The following PDE1C variants were observed in gnomAD, a reference collection of about 807,000 sequenced individuals.
PDE1C encodes the protein phosphodiesterase 1C.
Under a neutral mutation model 93.1 loss-of-function variants are expected in PDE1C, and 62 were observed. The ratio of observed to expected loss-of-function variants is 0.67; its 90% confidence interval spans 0.54 to 0.82. The LOEUF (loss-of-function observed/expected upper bound fraction) is 0.82. Among genes scored for constraint, PDE1C ranks in the 40% least tolerant of loss-of-function variants. The pLI, the probability that PDE1C is intolerant of heterozygous loss-of-function variation, is 0.00. For synonymous variants in PDE1C, 325 were observed against 310.1 expected (o/e 1.05, Z -0.50); for missense variants, 742 against 884.6 (o/e 0.84, Z 2.04).
chr7:31,793,801 G>A (rs114161578), intron 16 of PDE1C, among the ~76,000 whole-genome samples: 697 of 151,688 alleles, frequency 4.6e-3, no homozygotes, highest in African/African-American at 0.013. Flanking sequence ...ATTTTAAAGC[G>A]TTATTTTCAA....
intron 1 of PDE1C, among the ~76,000 whole-genome samples, chr7:32,273,226 G>A (rs1018189932): frequency 7.2e-5 from 11 of 152,284 alleles, no homozygotes; most frequent in Admixed American, 5.2e-4. Flanking sequence ...AGAGTGCCCC[G>A]GTGAGAGGGA....
At chr7:31,989,106 GAGAAAGAGAA>G (rs1783834746) in intron 2 of PDE1C, among the ~76,000 whole-genome samples, 1 of 138,556 alleles carries the variant, frequency 7.2e-6, no homozygotes, top group South Asian at 2.2e-4. Flanking sequence ...AAGAAAGAAA[GAGAAAGAGAA>G]AGAAAGAGGA....
chr7:31,776,212 C>G lies in PDE1C; in HGVS notation c.1892-480G>C, dbSNP rs1562772148. ...CTCTGCTTTGTCCTTATAGGCTTTA[C>G]TTGCTATTGGAACTCAAGCAATGAA... On this transcript the variant is annotated intron_variant, in intron 16 of 17. Coordinates refer to ENST00000396191, the MANE Select transcript of PDE1C (RefSeq NM_001191057.4). Among the ~76,000 whole-genome samples, 3 of 152,158 alleles carry G rather than the reference C, an allele frequency of 2.0e-5. No homozygotes were observed. The South Asian group carries it at 6.2e-4, about 32-fold the overall frequency.
At chr7:32,303,433 G>A (rs117546151), upstream of PDE1C, among the ~76,000 whole-genome samples, 2,940 of 152,282 alleles carry the variant, frequency 0.019, 34 homozygotes, top group Non-Finnish European at 0.029. Context: ...GGAAGAGTAA[G>A]TCTTAGAACA....
intron 5 of PDE1C, among the ~76,000 whole-genome samples, chr7:31,875,583 G>T (rs767874018): frequency 2.6e-5 from 4 of 151,842 alleles, no homozygotes; most frequent in Non-Finnish European, 4.4e-5. Context: ...GACACTTCCT[G>T]TAGAGAAATT....
intron 7 of PDE1C, among the ~76,000 whole-genome samples, chr7:31,852,855 GT>G (rs70989613): frequency 6.6e-6 from 1 of 151,302 alleles, no homozygotes; most frequent in African/African-American, 2.4e-5. Context: ...TACATATGCA[GT>G]TTTTTTTCCA....
intron 3 of PDE1C, among the ~76,000 whole-genome samples, chr7:32,098,826 T>C (rs1368740056): frequency 1.3e-5 from 2 of 152,182 alleles, no homozygotes; most frequent in Admixed American, 6.5e-5. Context: ...AAATTTTTCA[T>C]TTGAAATGCT....
chr7:31,942,399 G>A (rs1272881351), intron 2 of PDE1C, among the ~76,000 whole-genome samples: 2 of 152,092 alleles, frequency 1.3e-5, no homozygotes, highest in Non-Finnish European at 2.9e-5. Flanking sequence ...CCCCAAAGAA[G>A]GGTGGATTTT....
intron 7 of PDE1C, among the ~76,000 whole-genome samples, chr7:31,862,310 T>C (rs1233164212): frequency 6.6e-6 from 1 of 152,186 alleles, no homozygotes; most frequent in African/African-American, 2.4e-5. Flanking sequence ...TCTACAAGAG[T>C]ACTGATACCC....
intron 12 of PDE1C, among the ~76,000 whole-genome samples, chr7:31,827,591 T>C (rs1789850688): frequency 6.6e-6 from 1 of 152,048 alleles, no homozygotes; most frequent in South Asian, 2.1e-4. Context: ...TCAATATACA[T>C]TATAAAAAAA....
the PDE1C span, chr7:31,651,027 G>A: frequency 1.0e-5 from 12 of 1,145,038 alleles, no homozygotes; most frequent in African/African-American, 1.6e-4. Flanking sequence ...TATATTAGCA[G>A]TAGGGCCTGT....
the PDE1C span, among the ~76,000 whole-genome samples, chr7:31,620,722 C>G: frequency 6.6e-6 from 1 of 151,446 alleles, no homozygotes; most frequent in Non-Finnish European, 1.5e-5. Context: ...TCCAAAGGAA[C>G]GCAGTTCCTC....
At chr7:32,285,859 T>A (rs1811969453) in intron 1 of PDE1C, among the ~76,000 whole-genome samples, 1 of 148,936 alleles carries the variant, frequency 6.7e-6, no homozygotes, top group African/African-American at 2.5e-5. Context: ...AAAACAAGAG[T>A]GGAAAAAACT....
At chr7:31,971,652 T>C (rs1180484630) in intron 2 of PDE1C, among the ~76,000 whole-genome samples, 2 of 152,194 alleles carry the variant, frequency 1.3e-5, no homozygotes, top group African/African-American at 4.8e-5. Context: ...TAAAGAGGCA[T>C]TGCCAGAGCT....
rs368974768 is a variant in PDE1C, at chr7:32,091,458, G to C, written c.308+78327C>G. 9.8e-5 allele frequency among the ~76,000 whole-genome samples: 15 copies of C among 152,326 alleles called. 4 individuals are homozygous for C. ...GACACATTGCAATATTCATCAGGGTGGTTAGAGTTGGCCTCATCAAGAAGG... is the reference window on the plus strand; with the variant it reads ...GACACATTGCAATATTCATCAGGGTCGTTAGAGTTGGCCTCATCAAGAAGG... On this transcript the variant is annotated intron_variant, in intron 3 of 18. Transcript: ENST00000396193.
intron 3 of PDE1C, among the ~76,000 whole-genome samples, chr7:32,096,273 C>T (rs11763695): frequency 0.061 from 9,344 of 152,226 alleles, 385 homozygotes; most frequent in Non-Finnish European, 0.091. Context: ...GCAGGCAGTG[C>T]ACTTCAACCA....
chr7:31,775,776 A>C, intron 16 of PDE1C, 44 bp from the exon 17 acceptor site: 1 of 1,507,276 alleles, frequency 6.6e-7, no homozygotes, highest in Non-Finnish European at 9.2e-7. Context: ...GGATTGTGGA[A>C]AAACCTGTTG....
At chr7:31,925,070 T>C (rs968158685) in intron 2 of PDE1C, among the ~76,000 whole-genome samples, 5 of 142,830 alleles carry the variant, frequency 3.5e-5, no homozygotes, top group Non-Finnish European at 7.7e-5. Context: ...TGTGTGTGTG[T>C]GTGTGTGTGT....
At chr7:31,718,136 C>T in the PDE1C span, among the ~76,000 whole-genome samples, 1 of 152,078 alleles carries the variant, frequency 6.6e-6, no homozygotes, top group Non-Finnish European at 1.5e-5. Context: ...GGATCTTGGT[C>T]CCAGAGCACC....
Sources: gnomAD v4.1 joint callset for allele counts (sites outside exome capture counted in the v4.1 genomes callset) on GRCh38, gnomAD v4.1.1 for gene constraint, MANE v1.5 for transcripts, NCBI Gene and HGNC (gene_info 2026-07-23, HGNC 2026-07-21) for gene names.